The following POP1 variants were observed in gnomAD, a reference collection of about 807,000 sequenced individuals.
The protein encoded by POP1 is ribonucleases P/MRP protein subunit POP1.
POP1 carries 75 observed loss-of-function variants against 102.2 expected under a neutral mutation model. That is an observed-to-expected ratio of 0.73 (90% CI 0.61 to 0.89). POP1 has a LOEUF of 0.89. POP1 is among the 40% of genes least tolerant of loss of function. The probability of loss-of-function intolerance (pLI) is 0.00; values close to 1 mark genes in which losing one functional copy is unlikely to be tolerated. For synonymous variants in POP1, 436 were observed against 464.1 expected, an observed-to-expected ratio of 0.94 and a Z score of 0.78; for missense variants, 1,116 against 1,267.4, an observed-to-expected ratio of 0.88 and a Z score of 1.81.
rs377525978 is a variant in POP1 at position 98,146,681 on chromosome 8, C to T, written c.1708C>T (p.Gln570Ter). 4 of 1,594,070 alleles carry T rather than the reference C, an allele frequency of 2.5e-6. No homozygotes were observed. Among genetic ancestry groups the T allele is most frequent in the Non-Finnish European group, 3.4e-6 (4 of 1,161,838 alleles). The change falls in exon 12 of 16, where the codon CAG (glutamine) becomes TAG (stop). Residue 570 changes from glutamine to a stop codon, truncating the protein, a stop_gained and splice_region_variant. Transcript: ENST00000401707. LOFTEE classifies it high-confidence loss of function. ...TGTCACAGAGAATAAAATCTCGGAT[C>T]AGGTAACTAATAGTGTAAGGGTTAT... ...KSVTENKISD[Q>*]DLNRMRSELL...
rs1383574391 is a variant in POP1 at position 98,129,271 on chromosome 8, T to G, written c.487-707T>G. Among the ~76,000 whole-genome samples, 7 of 152,286 alleles carry G rather than the reference T, an allele frequency of 4.6e-5. No homozygotes were observed. The East Asian group carries it at 1.3e-3, about 29-fold the overall frequency. ...TTCGAAGTTGAAAACTTGAACTGGG[T>G]TTTAATTTTTGTACAAGTCTAATTG... On this transcript the variant is annotated intron_variant, in intron 4 of 15. Transcript: ENST00000401707.
chr8:98,141,151 C>G (rs962261587), intron 11 of POP1, among the ~76,000 whole-genome samples: 4 of 151,604 alleles, frequency 2.6e-5, no homozygotes, highest in African/African-American at 9.7e-5. Context: ...CTAGTAAAAC[C>G]TGTCTCTCTG....
chr8:98,155,889 A>G (rs1180229466), intron 14 of POP1, 161 bp from the exon 15 acceptor site: 2 of 809,488 alleles, frequency 2.5e-6, no homozygotes, highest in Admixed American at 2.2e-5. Context: ...ATTCTTTATC[A>G]TATGTTTCTT....
intron 1 of POP1, among the ~76,000 whole-genome samples, chr8:98,121,541 G>T (rs1816021795): frequency 7.0e-6 from 1 of 141,852 alleles, no homozygotes; most frequent in Non-Finnish European, 1.5e-5. Flanking sequence ...TTGAGATGGA[G>T]ACTTGCTCTA....
At chr8:98,130,331 C>A in intron 5 of POP1, 105 bp downstream of exon 5, 2 of 1,504,912 alleles carry the variant, frequency 1.3e-6, no homozygotes, top group Non-Finnish European at 1.8e-6. Flanking sequence ...TGTGATTATT[C>A]ATTTTAAAAA....
rs1032806113 is a variant in POP1, at chr8:98,142,382, A to G, written c.1594+1494A>G. 6.6e-5 allele frequency among the ~76,000 whole-genome samples: 10 copies of G among 152,344 alleles called. No individual in the cohort carries two copies. The East Asian group carries it at 1.9e-3, about 29-fold the overall frequency. On this transcript the variant is annotated intron_variant, in intron 11 of 15. Coordinates refer to ENST00000401707, the MANE Select transcript of POP1 (RefSeq NM_001145860.2). ...AGAGAGCTTTTAAAAGGGAAGGTAC[A>G]TGAAGAAAATGAAGTGATAATGCAT... is the stretch of plus-strand genomic sequence containing the variant.
intron 14 of POP1, among the ~76,000 whole-genome samples, chr8:98,151,890 C>T (rs933006197): frequency 1.3e-5 from 2 of 151,888 alleles, no homozygotes; most frequent in African/African-American, 4.8e-5. Context: ...CTATAGGCAC[C>T]TGCCACCATG....
chr8:98,117,970 C>G (rs1339683113), intron 1 of POP1: 1 of 152,104 alleles, frequency 6.6e-6, no homozygotes, highest in Non-Finnish European at 1.5e-5. Flanking sequence ...TATGCGGGCA[C>G]TCATAGATAT....
chr8:98,158,841 C>G lies in POP1; in HGVS notation c.*570C>G, dbSNP rs1809729361. The G allele has an allele frequency of 6.6e-6, 1 of 152,664 alleles. No individual in the cohort carries two copies. Among genetic ancestry groups the G allele is most frequent in the Non-Finnish European group, 1.5e-5 (1 of 68,450 alleles). The allele number at this position is 152,664 out of a possible 1,614,324, so 9.5% of individuals were successfully genotyped here. A position where few individuals can be genotyped will look rare whatever the true frequency, so the allele number is the denominator to read the frequency against. On this transcript the variant is annotated 3_prime_UTR_variant, in exon 16 of 16. Coordinates refer to ENST00000401707, the MANE Select transcript of POP1 (RefSeq NM_001145860.2). Reference sequence around the variant, plus strand: ...TTCAGGCAGGCACAGTTTATGGCGTCAGTGCTAGGCTGGAATTAGAAAGTG... The same window carrying G: ...TTCAGGCAGGCACAGTTTATGGCGTGAGTGCTAGGCTGGAATTAGAAAGTG...
chr8:98,140,239 G>A, intron 10 of POP1, 50 bp downstream of exon 10: 1 of 1,521,854 alleles, frequency 6.6e-7, no homozygotes, highest in Non-Finnish European at 9.1e-7. Context: ...GGGGCCAAAA[G>A]AGCCTTTTGC....
rs576583645 is a variant in POP1, at chr8:98,151,895, A to C, written c.2057+1256A>C. ...GTAGCTGGGACTATAGGCACCTGCC[A>C]CCATGCCTGGCTAATTTTTGTAGAG... On this transcript the variant is annotated intron_variant, in intron 14 of 15. Transcript: ENST00000401707. Among the ~76,000 whole-genome samples the C allele has an allele frequency of 6.6e-5, 10 of 152,058 alleles. No homozygotes were observed. The South Asian group carries it at 2.1e-3, about 32-fold the overall frequency.
intron 12 of POP1, among the ~76,000 whole-genome samples, chr8:98,148,490 A>G (rs1475167629): frequency 1.3e-5 from 2 of 152,180 alleles, no homozygotes; most frequent in Non-Finnish European, 2.9e-5. Context: ...TTTTTACTTC[A>G]TGACACCAAA....
chr8:98,129,416 TG>T (rs1300385695), intron 4 of POP1, among the ~76,000 whole-genome samples: 3 of 152,168 alleles, frequency 2.0e-5, no homozygotes, highest in Non-Finnish European at 4.4e-5. Flanking sequence ...ATGCTGGTGG[TG>T]GGGTTTGAGT....
chr8:98,134,948 C>A (rs1453953539), intron 7 of POP1, among the ~76,000 whole-genome samples: 1 of 152,164 alleles, frequency 6.6e-6, no homozygotes, highest in East Asian at 1.9e-4. Flanking sequence ...ACCACCCATG[C>A]TGTACATTAT....
chr8:98,136,513 AGT>A lies in POP1; in HGVS notation c.1049_1050del (p.Val350GlyfsTer11), dbSNP rs774762654. 6.2e-7 allele frequency: 1 copy of A among 1,613,644 alleles called. No homozygotes were observed. The highest frequency in any genetic ancestry group is 1.7e-5 in the Admixed American group (1 of 59,968). ...TTAGAGGAAATAAAAGCAGCGTGCC[AGT>A]GTGTGGAACCCATCAAATCAGCTGT... On this transcript the variant is annotated frameshift_variant, in exon 8 of 16. Transcript: ENST00000401707. LOFTEE classifies it high-confidence loss of function.
At chr8:98,119,272 T>C (rs564104133) in intron 1 of POP1, among the ~76,000 whole-genome samples, 1 of 152,338 alleles carries the variant, frequency 6.6e-6, no homozygotes, top group African/African-American at 2.4e-5. Flanking sequence ...GTGTAAAATA[T>C]TTCTTGTGAA....
In POP1 at chr8:98,140,196, A is replaced by T. The variant is rs1248126779; in HGVS notation, c.1474+7A>T. On this transcript the variant is annotated splice_region_variant and intron_variant, in intron 10 of 15. Transcript: ENST00000401707. ...ATTTTCGAGTTGTTGGGAGGTATAC[A>T]AAGGGAAGACTGGGTTGTGTTGGGG... 1 of 1,612,868 alleles carries T rather than the reference A, an allele frequency of 6.2e-7. No homozygotes were observed.
In POP1 at chr8:98,157,887, A is replaced by G. The variant is rs1335816638; in HGVS notation, c.2691A>G (p.Glu897=). ...ACTGGCATTACTGTGGGCCCCAGGA[A>G]TCCAAACACAGTGACCCATTCAGGA... ...HEDWHYCGPQ[E]SKHSDPFRSK... is the part of the protein sequence containing the mutation. The change falls in exon 16 of 16, where the codon GAA becomes GAG. Residue 897 remains glutamate, a synonymous_variant. Transcript: ENST00000401707. 6.2e-7 allele frequency: 1 copy of G among 1,614,168 alleles called. No individual in the cohort carries two copies. Among genetic ancestry groups the G allele is most frequent in the Non-Finnish European group, 8.5e-7 (1 of 1,179,972 alleles).
Position 98,140,872 on chromosome 8 carries a change from T to C in POP1, c.1578T>C (p.Asn526=). ...LPQKKSKALP[N]PEKCQDNEKV... Reference sequence around the variant, plus strand: ...AAAAGAAGTCCAAAGCTTTGCCCAATCCAGAAAAATGCCAAGGTAAAGTTC... The same window carrying C: ...AAAAGAAGTCCAAAGCTTTGCCCAACCCAGAAAAATGCCAAGGTAAAGTTC... Residue 526 remains asparagine (N), a synonymous_variant, in exon 11 of 16, where the codon AAT becomes AAC. Transcript: ENST00000401707. 1 of 1,613,944 alleles carries C rather than the reference T, an allele frequency of 6.2e-7. No individual in the cohort carries two copies. The highest frequency in any genetic ancestry group is 8.5e-7 in the Non-Finnish European group (1 of 1,179,892).
Sources: allele counts gnomAD v4.1 joint callset (sites outside exome capture counted in the v4.1 genomes callset), GRCh38; gene constraint gnomAD v4.1.1; transcripts MANE v1.5; gene names NCBI Gene and HGNC (gene_info 2026-07-23, HGNC 2026-07-21).